GATA3: variants seen among roughly 807,000 people sequenced by gnomAD.
GATA3 encodes GATA binding protein 3, also known as trans-acting T-cell-specific transcription factor GATA-3.
Under a neutral mutation model 36.0 loss-of-function variants are expected in GATA3, and 6 were observed. The ratio of observed to expected loss-of-function variants is 0.17; its 90% CI spans 0.09 to 0.33. GATA3 has a LOEUF of 0.33. Ranked by LOEUF, GATA3 falls within the 10% of genes least tolerant of loss-of-function variation. The pLI is 1.00. For missense variants in GATA3, 514 were observed against 610.1 expected (o/e 0.84, Z 1.66); for synonymous variants, 326 against 273.0 (o/e 1.19, Z -1.92).
intron 4 of GATA3, among the ~76,000 whole-genome samples, chr10:8,066,444 TTCTTTC>T (rs1416776825): frequency 6.8e-6 from 1 of 146,356 alleles, no homozygotes; most frequent in East Asian, 2.1e-4. Context: ...CTTTCTTTCT[TTCTTTC>T]TTTTTTTTTT....
At chr10:8,060,228 C>T (rs527752770) in intron 3 of GATA3, among the ~76,000 whole-genome samples, 1 of 152,344 alleles carries the variant, frequency 6.6e-6, no homozygotes, top group South Asian at 2.1e-4. Flanking sequence ...TATCCTGAGC[C>T]AGGAACTTTA....
Position 8,074,559 on chromosome 10 carries a change from C to T in GATA3, c.*536C>T, listed in dbSNP as rs1832984960. On this transcript the variant is annotated 3_prime_UTR_variant, in exon 6 of 6. Transcript: ENST00000379328. ...AAAAAGAAAAAAGTTGTAGGCGAATCATTTGTTCAAAGCTGTTGGCCTCTG... is the reference window on the plus strand; with the variant it reads ...AAAAAGAAAAAAGTTGTAGGCGAATTATTTGTTCAAAGCTGTTGGCCTCTG... The T allele has an allele frequency of 4.3e-6, 1 of 234,166 alleles. No individual in the cohort carries two copies. The highest frequency in any genetic ancestry group is 6.0e-5 in the East Asian group (1 of 16,610). 14.5% of individuals were successfully genotyped at this position (234,166 alleles called of 1,614,324 possible).
At chr10:8,052,783 G>A (rs1832530150), upstream of GATA3, 1 of 152,026 alleles carries the variant, frequency 6.6e-6, no homozygotes, top group Non-Finnish European at 1.5e-5. Context: ...GAGAAGATGC[G>A]GGCAGCCTGG....
upstream of GATA3, chr10:8,050,802 C>A (rs1832465584): frequency 1.0e-5 from 4 of 392,896 alleles, no homozygotes; most frequent in Non-Finnish European, 2.1e-5. Context: ...AGTAAACACG[C>A]TCAAATGACC....
Position 8,047,202 on chromosome 10 carries a change from C to T in GATA3, c.-370+1687C>T, listed in dbSNP as rs147114331. Among the ~76,000 whole-genome samples, 425 of 152,292 alleles carry T rather than the reference C, an allele frequency of 2.8e-3. 4 individuals are homozygous for T. The highest frequency in any genetic ancestry group is 0.016 in the East Asian group (82 of 5,174). Reference sequence around the variant, plus strand: ...GGTTGTCCAGTTGCCCTGGGTCACACAGAGTGCCTGGGGAACCGGCAGGTA... The same window carrying T: ...GGTTGTCCAGTTGCCCTGGGTCACATAGAGTGCCTGGGGAACCGGCAGGTA... On this transcript the variant is annotated intron_variant, in intron 1 of 1. Coordinates refer to the GATA3 transcript ENST00000643001.
chr10:8,066,471 G>C (rs917919776), intron 4 of GATA3, among the ~76,000 whole-genome samples: 2 of 148,996 alleles, frequency 1.3e-5, no homozygotes, highest in African/African-American at 5.0e-5. Context: ...TTAGCCCTGA[G>C]ATGTATTTGA....
chr10:8,069,837 C>T (rs1481299644), intron 5 of GATA3, among the ~76,000 whole-genome samples: 3 of 151,980 alleles, frequency 2.0e-5, no homozygotes, highest in Admixed American at 6.5e-5. Flanking sequence ...GGACACTCCA[C>T]ATACCATGCA....
intron 1 of GATA3, among the ~76,000 whole-genome samples, chr10:8,047,515 G>A (rs1321512515): frequency 6.6e-6 from 1 of 152,108 alleles, no homozygotes; most frequent in Admixed American, 6.5e-5. Context: ...TTTACTTAAC[G>A]GTTGGAATAA....
intron 5 of GATA3, among the ~76,000 whole-genome samples, chr10:8,069,953 C>T (rs989157405): frequency 5.3e-5 from 8 of 152,048 alleles, no homozygotes; most frequent in African/African-American, 1.9e-4. Flanking sequence ...TGTTTCCTTA[C>T]ATTTTAAACT....
intron 2 of GATA3, among the ~76,000 whole-genome samples, chr10:8,057,943 C>G (rs1298135894): frequency 6.6e-6 from 1 of 152,168 alleles, no homozygotes; most frequent in Non-Finnish European, 1.5e-5. Flanking sequence ...AAGTCAGGTT[C>G]TAGAGAGAGA....
upstream of GATA3, chr10:8,051,107 G>A (rs756226975): frequency 1.9e-6 from 1 of 530,702 alleles, no homozygotes; most frequent in Non-Finnish European, 3.9e-6. Flanking sequence ...GTACCCGACT[G>A]GGTTTCCCCA....
intron 4 of GATA3, 54 bp from the exon 5 acceptor site, chr10:8,069,419 C>A: frequency 4.0e-6 from 6 of 1,513,258 alleles, no homozygotes; most frequent in Non-Finnish European, 5.5e-6. Flanking sequence ...ATAGTGATGA[C>A]AACACATTTA....
At chr10:8,057,824 C>T (rs1356934919) in intron 2 of GATA3, among the ~76,000 whole-genome samples, 3 of 152,090 alleles carry the variant, frequency 2.0e-5, no homozygotes, top group Non-Finnish European at 1.5e-5. Flanking sequence ...GTTGTGTGGC[C>T]GGGCTCCATC....
chr10:8,058,369 C>T lies in GATA3; in HGVS notation c.306C>T (p.Ala102=). The T allele has an allele frequency of 6.2e-7, 1 of 1,612,972 alleles. No individual in the cohort carries two copies. The highest frequency in any genetic ancestry group is 8.5e-7 in the Non-Finnish European group (1 of 1,179,998). ...GSLPWLDGGK[A]LGSHHTASPW... is the part of the protein sequence containing the mutation. ...TACCCTGGCTGGACGGCGGCAAAGC[C>T]CTGGGCAGCCACCACACCGCCTCCC... The change falls in exon 3 of 6, where the codon GCC becomes GCT. Residue 102 remains alanine (A), a synonymous_variant. Coordinates refer to ENST00000379328, the MANE Select transcript of GATA3 (RefSeq NM_001002295.2).
At chr10:8,051,699 G>C (rs1031108927), upstream of GATA3, 2 of 152,434 alleles carry the variant, frequency 1.3e-5, no homozygotes, top group African/African-American at 4.8e-5. Context: ...GCTTTGTGGC[G>C]GTGGCACAGG....
chr10:8,067,705 C>G (rs1195512693), intron 4 of GATA3, among the ~76,000 whole-genome samples: 1 of 152,110 alleles, frequency 6.6e-6, no homozygotes, highest in East Asian at 1.9e-4. Flanking sequence ...GTAGTCCCAG[C>G]TACTTGGGAG....
At chr10:8,066,716 A>T (rs1832849826) in intron 4 of GATA3, among the ~76,000 whole-genome samples, 2 of 152,336 alleles carry the variant, frequency 1.3e-5, no homozygotes, top group African/African-American at 4.8e-5. Context: ...TGGCATTGCC[A>T]GGATTTTCAT....
chr10:8,066,606 A>G (rs1020746278), intron 4 of GATA3, among the ~76,000 whole-genome samples: 1 of 152,170 alleles, frequency 6.6e-6, no homozygotes. Flanking sequence ...CAGCCCATAT[A>G]TAGCTAGCTC....
intron 4 of GATA3, among the ~76,000 whole-genome samples, chr10:8,066,610 C>G (rs1172779255): frequency 6.6e-6 from 1 of 152,132 alleles, no homozygotes; most frequent in Non-Finnish European, 1.5e-5. Flanking sequence ...CCATATATAG[C>G]TAGCTCTTCT....
Sources: gnomAD v4.1 joint callset for allele counts (sites outside exome capture counted in the v4.1 genomes callset) on GRCh38, gnomAD v4.1.1 for gene constraint, MANE v1.5 for transcripts, NCBI Gene and HGNC (gene_info 2026-07-23, HGNC 2026-07-21) for gene names.